The following ANXA10 variants were observed in gnomAD, a reference collection of about 807,000 sequenced individuals.
The protein encoded by ANXA10 is annexin 14.
ANXA10 carries 49 observed loss-of-function variants against 53.5 expected under a neutral mutation model. The observed-to-expected ratio is 0.92, with a 90% CI of 0.73 to 1.16. The LOEUF (loss-of-function observed/expected upper bound fraction) is 1.16, where lower values mean the gene tolerates loss of function less well. ANXA10 is among the 50% of genes most tolerant of loss of function. The pLI is 0.00. For missense variants in ANXA10, 393 were observed against 394.4 expected, an observed-to-expected ratio of 1.00 and a Z score of 0.03; for synonymous variants, 131 against 128.9, an observed-to-expected ratio of 1.02 and a Z score of -0.11.
chr4:168,157,120 T>C (rs753271082), intron 3 of ANXA10, among the ~76,000 whole-genome samples: 4 of 152,110 alleles, frequency 2.6e-5, no homozygotes, highest in Non-Finnish European at 5.9e-5. Context: ...AGTGAATAAA[T>C]TGAAGACTTT....
At chr4:168,147,850 C>G (rs897081629) in intron 3 of ANXA10, among the ~76,000 whole-genome samples, 4 of 152,170 alleles carry the variant, frequency 2.6e-5, no homozygotes, top group African/African-American at 9.7e-5. Flanking sequence ...CTGTGTCCCA[C>G]CCTCACTCAC....
chr4:168,138,545 C>A (rs554803710), intron 2 of ANXA10, among the ~76,000 whole-genome samples: 54 of 152,164 alleles, frequency 3.5e-4, no homozygotes, highest in Non-Finnish European at 6.9e-4. Context: ...TGGCTTTGTT[C>A]TCTTTGTGTA....
intron 3 of ANXA10, among the ~76,000 whole-genome samples, chr4:168,157,568 T>G (rs1054798353): frequency 6.6e-6 from 1 of 152,166 alleles, no homozygotes; most frequent in Non-Finnish European, 1.5e-5. Context: ...CCGGCCAGTA[T>G]AGAGCATTTC....
chr4:168,149,484 CAG>C (rs1731461151), intron 3 of ANXA10, among the ~76,000 whole-genome samples: 1 of 152,068 alleles, frequency 6.6e-6, no homozygotes, highest in African/African-American at 2.4e-5. Flanking sequence ...AGTATTCCCT[CAG>C]ATTGTTATTA....
intron 3 of ANXA10, among the ~76,000 whole-genome samples, chr4:168,150,776 T>C (rs1731482739): frequency 6.6e-6 from 1 of 152,138 alleles, no homozygotes; most frequent in Admixed American, 6.6e-5. Flanking sequence ...AAACCCTCAC[T>C]GCACATCCTC....
At chr4:168,160,666 T>C (rs1054330379) in intron 3 of ANXA10, among the ~76,000 whole-genome samples, 2 of 152,136 alleles carry the variant, frequency 1.3e-5, no homozygotes, top group Admixed American at 1.3e-4. Context: ...GTTGAACTGA[T>C]TTACACTCCC....
At chr4:168,160,113 G>T (rs1402776472) in intron 3 of ANXA10, among the ~76,000 whole-genome samples, 2 of 152,106 alleles carry the variant, frequency 1.3e-5, no homozygotes, top group Non-Finnish European at 2.9e-5. Context: ...TTATTTCACA[G>T]GTAAACATGT....
chr4:168,186,465 C>T (rs1732372275), intron 11 of ANXA10, among the ~76,000 whole-genome samples: 1 of 152,094 alleles, frequency 6.6e-6, no homozygotes, highest in Non-Finnish European at 1.5e-5. Flanking sequence ...AGGTCATGAA[C>T]GTGGAGCCCA....
At chr4:168,184,132 G>C (rs937267997) in intron 10 of ANXA10, among the ~76,000 whole-genome samples, 1 of 152,170 alleles carries the variant, frequency 6.6e-6, no homozygotes, top group Non-Finnish European at 1.5e-5. Context: ...ATCTGACAGA[G>C]CTGAGAATGT....
chr4:168,156,198 A>ATATTATATTATATATTATATATTAT (rs1491176698), intron 3 of ANXA10, among the ~76,000 whole-genome samples: 1 of 12,040 alleles, frequency 8.3e-5, no homozygotes, highest in Non-Finnish European at 1.7e-4. Context: ...TATTATATAT[A>ATATTATATTATATATTATATATTAT]ATATATATTA....
intron 1 of ANXA10, among the ~76,000 whole-genome samples, chr4:168,118,418 A>G (rs1053960947): frequency 2.0e-5 from 3 of 152,116 alleles, no homozygotes; most frequent in Non-Finnish European, 4.4e-5. Context: ...GCAGGGTCTC[A>G]CTCACTTTGA....
intron 3 of ANXA10, among the ~76,000 whole-genome samples, chr4:168,152,262 A>G (rs4600882): frequency 0.65 from 98,497 of 151,956 alleles, 33,319 homozygotes; most frequent in African/African-American, 0.85. Context: ...GAGGGGGTGG[A>G]CCCTGTGAAT....
chr4:168,145,118 G>A (rs532224997), intron 3 of ANXA10, among the ~76,000 whole-genome samples: 3 of 152,236 alleles, frequency 2.0e-5, no homozygotes, highest in Admixed American at 1.3e-4. Flanking sequence ...GGTGGGGGCC[G>A]CAAGACCAGA....
At chr4:168,138,930 C>T (rs1731282280) in intron 2 of ANXA10, among the ~76,000 whole-genome samples, 1 of 152,092 alleles carries the variant, frequency 6.6e-6, no homozygotes, top group South Asian at 2.1e-4. Flanking sequence ...TGCTGATTTT[C>T]ATACGTTGCT....
chr4:168,138,236 C>G (rs1731272197), intron 2 of ANXA10, among the ~76,000 whole-genome samples: 1 of 152,104 alleles, frequency 6.6e-6, no homozygotes, highest in Non-Finnish European at 1.5e-5. Flanking sequence ...GCTGGGATTA[C>G]AGGCATGAGC....
intron 3 of ANXA10, among the ~76,000 whole-genome samples, chr4:168,153,422 C>CAAAAAAAAAAAAAAAAAACAAAAA (rs1731531065): frequency 2.3e-5 from 1 of 43,508 alleles, no homozygotes; most frequent in Admixed American, 2.0e-4. Flanking sequence ...AAGCCTAAAG[C>CAAAAAAAAAAAAAAAAAACAAAAA]AAAAAAAAAA....
intron 1 of ANXA10, among the ~76,000 whole-genome samples, chr4:168,123,325 G>A (rs1449746841): frequency 1.3e-5 from 2 of 152,136 alleles, no homozygotes; most frequent in Non-Finnish European, 2.9e-5. Context: ...TGCAATAGGG[G>A]AAAAGAGATT....
intron 3 of ANXA10, among the ~76,000 whole-genome samples, chr4:168,157,258 C>A (rs780719251): frequency 6.6e-6 from 1 of 151,374 alleles, no homozygotes; most frequent in Non-Finnish European, 1.5e-5. Flanking sequence ...AGGTATAGAT[C>A]ATTTCTTTAT....
intron 1 of ANXA10, among the ~76,000 whole-genome samples, chr4:168,093,650 C>T (rs1730495880): frequency 1.3e-5 from 2 of 152,122 alleles, no homozygotes; most frequent in Admixed American, 6.6e-5. Context: ...GCACTCCAGC[C>T]TGGGCGACAG....
Sources: allele counts gnomAD v4.1 joint callset (sites outside exome capture counted in the v4.1 genomes callset), GRCh38; gene constraint gnomAD v4.1.1; transcripts MANE v1.5; gene names NCBI Gene and HGNC (gene_info 2026-07-23, HGNC 2026-07-21).